Variants in DAGLA observed in about 807,000 individuals in gnomAD.
DAGLA encodes diacylglycerol lipase alpha, also known as diacylglycerol lipase-alpha.
Under a neutral mutation model 102.6 loss-of-function variants are expected in DAGLA, and 22 were observed. That is an observed-to-expected ratio of 0.21 (90% CI 0.15 to 0.31). The LOEUF is 0.31. Ranked by LOEUF, DAGLA falls within the 10% of genes least tolerant of loss-of-function variation. The pLI, the probability that DAGLA is intolerant of heterozygous loss-of-function variation, is 1.00. For synonymous variants in DAGLA, 578 were observed against 628.9 expected (o/e 0.92, Z 1.21); for missense variants, 927 against 1,446.6 (o/e 0.64, Z 5.83).
intron 19 of DAGLA, among the ~76,000 whole-genome samples, chr11:61,741,638 T>G (rs897152389): frequency 2.1e-5 from 3 of 145,170 alleles, no homozygotes; most frequent in Non-Finnish European, 4.5e-5. Flanking sequence ...TGAGACGAAG[T>G]CTCGCTCTTT....
intron 1 of DAGLA, among the ~76,000 whole-genome samples, chr11:61,680,850 C>T (rs970211196): frequency 6.6e-6 from 1 of 152,140 alleles, no homozygotes; most frequent in Non-Finnish European, 1.5e-5. Context: ...ATGGGCACGG[C>T]CTTCGGACTG....
intron 7 of DAGLA, among the ~76,000 whole-genome samples, 167 bp downstream of exon 7, chr11:61,728,454 T>C (rs559748012): frequency 6.6e-6 from 1 of 152,304 alleles, no homozygotes; most frequent in Admixed American, 6.5e-5. Flanking sequence ...TCCCCCTGCC[T>C]TCCTGAGCTT....
chr11:61,706,694 A>G (rs1316949378), intron 1 of DAGLA, among the ~76,000 whole-genome samples: 1 of 152,192 alleles, frequency 6.6e-6, no homozygotes, highest in Non-Finnish European at 1.5e-5. Flanking sequence ...GCTGTGACGC[A>G]GGCTGACCCC....
At chr11:61,690,617 G>A (rs975552833) in intron 1 of DAGLA, among the ~76,000 whole-genome samples, 1 of 152,154 alleles carries the variant, frequency 6.6e-6, no homozygotes, top group African/African-American at 2.4e-5. Context: ...TCACAGCAGG[G>A]GTCCAAGTCT....
At chr11:61,726,644 G>A (rs1407984882) in intron 6 of DAGLA, among the ~76,000 whole-genome samples, 1 of 152,232 alleles carries the variant, frequency 6.6e-6, no homozygotes, top group Non-Finnish European at 1.5e-5. Context: ...AGGGACCTTA[G>A]AGATCATCTA....
rs1465938585 is a variant in DAGLA at position 61,696,872 on chromosome 11, T to TG, written c.-45+16373dup. On this transcript the variant is annotated intron_variant, in intron 1 of 19. Coordinates refer to ENST00000257215, the MANE Select transcript of DAGLA (RefSeq NM_006133.3). ...AGTGTGCGGCTTGTGAGCTGGCCTG[T>TG]GGGGGCAGTGGCAGCAGAGCTGCGT... Among the ~76,000 whole-genome samples, 6 of 149,388 alleles carry TG rather than the reference T, an allele frequency of 4.0e-5. No homozygotes were observed. The East Asian group carries it at 1.2e-3, about 30-fold the overall frequency.
At position 61,701,992 on chromosome 11, in the gene DAGLA, T is replaced by C. The variant is rs550418924; in HGVS notation, c.-44-18120T>C. Among the ~76,000 whole-genome samples, 8 of 152,272 alleles carry C rather than the reference T, an allele frequency of 5.3e-5. No individual in the cohort carries two copies. In the South Asian group the frequency reaches 1.5e-3, roughly 28 times the overall value. On this transcript the variant is annotated intron_variant, in intron 1 of 19. Coordinates refer to ENST00000257215, the MANE Select transcript of DAGLA (RefSeq NM_006133.3). ...GTTCCCCGTATGTTGCCCAAACTAT[T>C]CTCAAACTCCTGGCCTCAAGTAATT...
chr11:61,727,212 GC>G (rs1489321982), intron 6 of DAGLA, among the ~76,000 whole-genome samples: 1 of 152,236 alleles, frequency 6.6e-6, no homozygotes, highest in African/African-American at 2.4e-5. Context: ...TTAATTGGAT[GC>G]CAGCATTTAA....
chr11:61,735,424 G>T lies in DAGLA; in HGVS notation c.1129-137G>T. 3 of 746,582 alleles carry T rather than the reference G, an allele frequency of 4.0e-6. No individual in the cohort carries two copies. In the South Asian group the frequency reaches 5.4e-5, roughly 14 times the overall value. The allele number at this position is 746,582 out of a possible 1,614,324, so 46.2% of individuals were successfully genotyped here. On this transcript the variant is annotated intron_variant, in intron 10 of 19. Coordinates refer to ENST00000257215, the MANE Select transcript of DAGLA (RefSeq NM_006133.3). ...AGATCCCCAGTGACCCTGGGAGCCC[G>T]TCAGCCTTTCTGGCGGCAGAGGCTC...
Position 61,743,523 on chromosome 11 carries a change from C to T in DAGLA, c.2172-9C>T. 1 of 1,508,300 alleles carries T rather than the reference C, an allele frequency of 6.6e-7. No individual in the cohort carries two copies. 93.4% of individuals were successfully genotyped at this position (1,508,300 alleles called of 1,614,324 possible). ...GTCTTATACCCCCTGCTCTCCTCTCCCTCTGCAGGAGCAAGTCCCAGTCTG... is the reference window on the plus strand; with the variant it reads ...GTCTTATACCCCCTGCTCTCCTCTCTCTCTGCAGGAGCAAGTCCCAGTCTG... On this transcript the variant is annotated splice_polypyrimidine_tract_variant and intron_variant, in intron 19 of 19. Transcript: ENST00000257215.
rs558849247 is a variant in DAGLA at position 61,696,600 on chromosome 11, G to T, written c.-45+16096G>T. Among the ~76,000 whole-genome samples, 265 of 151,564 alleles carry T rather than the reference G, an allele frequency of 1.7e-3. 5 individuals are homozygous for T. The South Asian group carries it at 0.024, about 14-fold the overall frequency. ...GACTGGGCGACCCGGGGTTGGGGGT[G>T]GGGTGGGGTGGGGTGGGGAGCTGTG... On this transcript the variant is annotated intron_variant, in intron 1 of 19. Transcript: ENST00000257215.
rs1367733679 is a variant in DAGLA, at chr11:61,681,112, C to G, written c.-45+608C>G. ...GCACTGCCGCGGGGGGAGTCCGTGG[C>G]CCTCCCATCCTGATGAATGGGAAGG... On this transcript the variant is annotated intron_variant, in intron 1 of 19. Transcript: ENST00000257215. Among the ~76,000 whole-genome samples, 28 of 152,094 alleles carry G rather than the reference C, an allele frequency of 1.8e-4. 1 individual carries two copies. Among genetic ancestry groups the G allele is most frequent in the Non-Finnish European group, 5.9e-5 (4 of 68,014 alleles).
chr11:61,743,709 C>G lies in DAGLA; in HGVS notation c.2349C>G (p.Leu783=), dbSNP rs1350053842. 6.2e-7 allele frequency: 1 copy of G among 1,607,740 alleles called. No individual in the cohort carries two copies. Among genetic ancestry groups the G allele is most frequent in the Non-Finnish European group, 8.5e-7 (1 of 1,178,190 alleles). ...CACCACTGGCCACCATGGAGAGCCT[C>G]TCGGACACTGAGTCCCTGTACAGCT... ...RRAPLATMES[L]SDTESLYSFD... The change falls in exon 20 of 20, where the codon CTC becomes CTG. Residue 783 remains leucine, a synonymous_variant. Transcript: ENST00000257215.
intron 16 of DAGLA, among the ~76,000 whole-genome samples, chr11:61,739,164 C>T (rs1205224845): frequency 1.3e-5 from 2 of 152,226 alleles, no homozygotes; most frequent in Non-Finnish European, 2.9e-5. Flanking sequence ...AGGCCTGTCT[C>T]CCCATCTACT....
intron 5 of DAGLA, among the ~76,000 whole-genome samples, chr11:61,724,525 C>G (rs1279256026): frequency 6.6e-6 from 1 of 152,176 alleles, no homozygotes; most frequent in African/African-American, 2.4e-5. Context: ...GCAGCTGGCT[C>G]AAGCACCTGG....
At chr11:61,693,056 C>A (rs1023613977) in intron 1 of DAGLA, among the ~76,000 whole-genome samples, 1 of 151,292 alleles carries the variant, frequency 6.6e-6, no homozygotes, top group Non-Finnish European at 1.5e-5. Flanking sequence ...CTCTGTTGCC[C>A]AGGCTGGAGT....
chr11:61,688,867 G>A (rs1399883364), intron 1 of DAGLA, among the ~76,000 whole-genome samples: 4 of 152,242 alleles, frequency 2.6e-5, no homozygotes, highest in Non-Finnish European at 4.4e-5. Flanking sequence ...CAAGGCTCCC[G>A]GGGCACTGGC....
chr11:61,744,694 C>CAGATGGGGAA lies in DAGLA; in HGVS notation c.*216_*225dup. On this transcript the variant is annotated 3_prime_UTR_variant, in exon 20 of 20. Coordinates refer to ENST00000257215, the MANE Select transcript of DAGLA (RefSeq NM_006133.3). ...CCAAGGTGGCTGGGATCTGGCCCCA[C>CAGATGGGGAA]AGATGGGGAAAGATGGGGAAGGGTG... The CAGATGGGGAA allele has an allele frequency of 1.8e-6, 1 of 549,512 alleles. No individual in the cohort carries two copies. Among genetic ancestry groups the CAGATGGGGAA allele is most frequent in the Non-Finnish European group, 3.2e-6 (1 of 314,010 alleles). 34.0% of individuals were successfully genotyped at this position (549,512 alleles called of 1,614,324 possible).
chr11:61,689,563 G>C (rs2065008740), intron 1 of DAGLA, among the ~76,000 whole-genome samples: 1 of 96,030 alleles, frequency 1.0e-5, no homozygotes, highest in Non-Finnish European at 2.5e-5. Flanking sequence ...GGAGTGCAGT[G>C]GTGTGATCTG....
Sources: allele counts gnomAD v4.1 joint callset (sites outside exome capture counted in the v4.1 genomes callset), GRCh38; gene constraint gnomAD v4.1.1; transcripts MANE v1.5; gene names NCBI Gene and HGNC (gene_info 2026-07-23, HGNC 2026-07-21).